The following AMBRA1 variants were observed in gnomAD, a reference collection of about 807,000 sequenced individuals.
AMBRA1 encodes the protein autophagy and beclin 1 regulator 1.
Under a neutral mutation model 125.4 loss-of-function variants are expected in AMBRA1, and 47 were observed. The ratio of observed to expected loss-of-function variants is 0.37; its 90% CI spans 0.30 to 0.48. AMBRA1 has a LOEUF of 0.48. Ranked by LOEUF, AMBRA1 falls within the 20% of genes least tolerant of loss-of-function variation. The pLI is 0.99. For missense variants in AMBRA1, 1,331 were observed against 1,693.4 expected, an observed-to-expected ratio of 0.79 and a Z score of 3.76; for synonymous variants, 626 against 655.5, an observed-to-expected ratio of 0.95 and a Z score of 0.69.
intron 14 of AMBRA1, among the ~76,000 whole-genome samples, chr11:46,433,165 T>C (rs556761529): frequency 2.6e-5 from 4 of 152,320 alleles, no homozygotes. Context: ...TTTCATTGGG[T>C]CCTTTATGCA....
intron 1 of AMBRA1, among the ~76,000 whole-genome samples, chr11:46,550,188 T>C (rs1480491650): frequency 6.6e-6 from 1 of 152,222 alleles, no homozygotes; most frequent in Non-Finnish European, 1.5e-5. Flanking sequence ...ACTCAACTGA[T>C]TGTTTCCTCA....
chr11:46,408,388 G>T (rs1412722662), intron 17 of AMBRA1, 125 bp downstream of exon 17: 2 of 1,030,304 alleles, frequency 1.9e-6, no homozygotes, highest in Non-Finnish European at 1.3e-6. Context: ...TGCTGAGGAG[G>T]CTCTTAATGC....
At chr11:46,436,803 A>G (rs1426811437) in intron 12 of AMBRA1, among the ~76,000 whole-genome samples, 1 of 152,230 alleles carries the variant, frequency 6.6e-6, no homozygotes, top group Non-Finnish European at 1.5e-5. Context: ...AATGCTCAGA[A>G]AAATAAACAG....
intron 14 of AMBRA1, among the ~76,000 whole-genome samples, chr11:46,425,310 TTG>T (rs34321655): frequency 0.073 from 9,840 of 135,242 alleles, 378 homozygotes; most frequent in South Asian, 0.17. Context: ...CTTGATCCAT[TTG>T]TGTGTGTGTG....
chr11:46,405,141 G>A (rs1348921293), intron 17 of AMBRA1, among the ~76,000 whole-genome samples: 2 of 152,158 alleles, frequency 1.3e-5, no homozygotes, highest in South Asian at 4.1e-4. Context: ...ATGTCTCCAG[G>A]AATGCTTCCC....
intron 9 of AMBRA1, chr11:46,494,667 T>C (rs1254204972): frequency 6.5e-6 from 1 of 153,912 alleles, no homozygotes; most frequent in African/African-American, 2.4e-5. Context: ...CAAATGGTTA[T>C]CTTCAAATGA....
chr11:46,548,180 C>T (rs1004907923), intron 2 of AMBRA1, 66 bp downstream of exon 2: 2 of 1,600,244 alleles, frequency 1.2e-6, no homozygotes, highest in Admixed American at 3.4e-5. Context: ...GCTGTTAACC[C>T]ATTCTAAGGT....
At position 46,397,493 on chromosome 11, in the gene AMBRA1, C is replaced by A. The variant is rs143178975; in HGVS notation, c.3854G>T (p.Arg1285Met). The change falls in exon 18 of 18, where the codon AGG becomes ATG. Residue 1285 changes from arginine to methionine, a missense_variant. Arg to Met is a moderately conservative substitution (Grantham distance 91). Around this residue, in one of 4 missense-constraint regions of AMBRA1, gnomAD observed 144 missense variants for 133.9 expected, o/e 1.08. Transcript: ENST00000683756. ...TCCCCTAGGGCCTGCAGCGTCCCCC[C>A]TGCTGCTGCCACCATCCAGAAGGTG... is the stretch of plus-strand genomic sequence containing the variant. ...NNHLLDGGSSRGDAAGPRGEP... is the reference protein window; with the variant it reads ...NNHLLDGGSSMGDAAGPRGEP... 2.6e-6 allele frequency: 4 copies of A among 1,527,228 alleles called. No individual in the cohort carries two copies. In the East Asian group the frequency reaches 9.1e-5, roughly 35 times the overall value. The allele number at this position is 1,527,228 out of a possible 1,614,324, so 94.6% of individuals were successfully genotyped here.
At position 46,493,639 on chromosome 11, in the gene AMBRA1, A is replaced by T; in HGVS notation, c.2490T>A (p.Ala830=). ...GGACCCTGTTAACAGAAGAGTGAGTAGCCAAGCCAGGCTGTCCACGTTCAT... is the reference window on the plus strand; with the variant it reads ...GGACCCTGTTAACAGAAGAGTGAGTTGCCAAGCCAGGCTGTCCACGTTCAT... ...IFHERGQPGL[A]THSSVNRVLA... The change falls in exon 11 of 18, where the codon GCT becomes GCA. Residue 830 remains alanine (A), a synonymous_variant. Transcript: ENST00000683756. The T allele has an allele frequency of 6.2e-7, 1 of 1,605,090 alleles. No individual in the cohort carries two copies. The highest frequency in any genetic ancestry group is 8.5e-7 in the Non-Finnish European group (1 of 1,177,596).
At chr11:46,409,698 T>A (rs1291292724) in intron 16 of AMBRA1, among the ~76,000 whole-genome samples, 1 of 152,238 alleles carries the variant, frequency 6.6e-6, no homozygotes, top group African/African-American at 2.4e-5. Context: ...CTTTTGAGAC[T>A]ATCACCAGAC....
rs566411330 is a variant in AMBRA1 at position 46,435,331 on chromosome 11, A to G, written c.2633-294T>C. ...ACCGCTTGAGAGATTAGATAAGGAA[A>G]AAGTTATTAAAAATTATTCCTAGAG... On this transcript the variant is annotated intron_variant, in intron 12 of 17. Transcript: ENST00000683756. 1.3e-4 allele frequency among the ~76,000 whole-genome samples: 20 copies of G among 152,316 alleles called. No homozygotes were observed. In the South Asian group the frequency reaches 4.1e-3, roughly 32 times the overall value.
Position 46,542,412 on chromosome 11 carries a change from G to A in AMBRA1, c.1605C>T (p.Asn535=). Residue 535 remains asparagine (N), a synonymous_variant, in exon 7 of 18, where the codon AAC becomes AAT. Transcript: ENST00000683756. The surrounding 1 kb of genome is among the most constrained non-coding windows in gnomAD (Gnocchi z 5.9). Reference sequence around the variant, plus strand: ...CTGGCCTCTCAGATTCAATGTTATTGTTGAGCATTTCCTGGGCCTGTTGGG... The same window carrying A: ...CTGGCCTCTCAGATTCAATGTTATTATTGAGCATTTCCTGGGCCTGTTGGG... ...PQTQQAQEML[N]NNIESERPGP... is the part of the protein sequence containing the mutation. The A allele has an allele frequency of 1.2e-6, 2 of 1,614,100 alleles. No homozygotes were observed. Among genetic ancestry groups the A allele is most frequent in the Non-Finnish European group, 1.7e-6 (2 of 1,180,026 alleles).
In AMBRA1 at chr11:46,470,421, C is replaced by T. The variant is rs1270030116; in HGVS notation, c.2521+23187G>A. ...TGGCTAACACGGTGAAACCCTATCT[C>T]TACTAAAAATACAAAAAATTAGCCG... is the stretch of plus-strand genomic sequence containing the variant. On this transcript the variant is annotated intron_variant, in intron 11 of 17. Coordinates refer to ENST00000683756, the MANE Select transcript of AMBRA1 (RefSeq NM_001387011.1). 2.0e-5 allele frequency among the ~76,000 whole-genome samples: 3 copies of T among 152,040 alleles called. No homozygotes were observed. The East Asian group carries it at 5.8e-4, about 29-fold the overall frequency.
At chr11:46,487,725 A>G (rs1262831855) in intron 11 of AMBRA1, among the ~76,000 whole-genome samples, 1 of 152,210 alleles carries the variant, frequency 6.6e-6, no homozygotes, top group South Asian at 2.1e-4. Context: ...CCCATTTAAT[A>G]CAAATGAAGT....
At chr11:46,455,610 G>C (rs944079401) in intron 11 of AMBRA1, among the ~76,000 whole-genome samples, 2 of 152,216 alleles carry the variant, frequency 1.3e-5, no homozygotes, top group Admixed American at 1.3e-4. Context: ...CCCTTAAAAA[G>C]CCAGTCAAAT....
At chr11:46,506,983 G>C (rs1010873504) in intron 9 of AMBRA1, among the ~76,000 whole-genome samples, 12 of 146,864 alleles carry the variant, frequency 8.2e-5, no homozygotes, top group Non-Finnish European at 1.2e-4. Flanking sequence ...GGCTAACAAA[G>C]TGAAACCCCA....
In AMBRA1 at chr11:46,407,898, C is replaced by A. The variant is rs1465078298; in HGVS notation, c.3403+615G>T. Among the ~76,000 whole-genome samples, 3 of 152,188 alleles carry A rather than the reference C, an allele frequency of 2.0e-5. 1 individual carries two copies. Among genetic ancestry groups the A allele is most frequent in the Admixed American group, 2.0e-4 (3 of 15,280 alleles). On this transcript the variant is annotated intron_variant, in intron 17 of 17. Coordinates refer to ENST00000683756, the MANE Select transcript of AMBRA1 (RefSeq NM_001387011.1). Reference sequence around the variant, plus strand: ...AACTGAGTGAGAACAGCCTGTTTAACACAGCTGCTGACGGACTCCTAAGTG... The same window carrying A: ...AACTGAGTGAGAACAGCCTGTTTAAAACAGCTGCTGACGGACTCCTAAGTG...
chr11:46,489,985 C>T (rs796318052), intron 11 of AMBRA1, among the ~76,000 whole-genome samples: 88 of 152,292 alleles, frequency 5.8e-4, no homozygotes, highest in African/African-American at 2.1e-3. Context: ...TTCTGAGCCT[C>T]AGTTTTCTTC....
intron 1 of AMBRA1, among the ~76,000 whole-genome samples, chr11:46,567,351 C>T (rs1434298841): frequency 6.6e-6 from 1 of 151,708 alleles, no homozygotes; most frequent in African/African-American, 2.4e-5. Flanking sequence ...GGATTACAGG[C>T]ATGAGCCACC....
Sources: allele counts gnomAD v4.1 joint callset (sites outside exome capture counted in the v4.1 genomes callset), GRCh38; gene constraint gnomAD v4.1.1; regional missense constraint gnomAD v4.1.1; non-coding constraint Gnocchi (gnomAD v3.1); transcripts MANE v1.5; gene names NCBI Gene and HGNC (gene_info 2026-07-23, HGNC 2026-07-21).